Variants in PLPBP observed in about 807,000 individuals in gnomAD.
The protein encoded by PLPBP is pyridoxal phosphate binding protein.
In PLPBP, 21 loss-of-function variants were observed where a neutral mutation model predicts 31.2. The observed-to-expected ratio is 0.67, with a 90% CI of 0.48 to 0.97. The LOEUF (loss-of-function observed/expected upper bound fraction) is 0.97, where lower values mean the gene tolerates loss of function less well. Ranked by LOEUF, PLPBP falls within the 50% of genes least tolerant of loss-of-function variation. The pLI, the probability that PLPBP is intolerant of heterozygous loss-of-function variation, is 0.00. For missense variants in PLPBP, 308 were observed against 354.4 expected, an observed-to-expected ratio of 0.87 and a Z score of 1.05; for synonymous variants, 124 against 135.6, an observed-to-expected ratio of 0.91 and a Z score of 0.59.
intron 4 of PLPBP, among the ~76,000 whole-genome samples, chr8:37,767,799 CTTTTTTTTTTTTTT>C (rs1175107737): frequency 2.0e-5 from 2 of 98,936 alleles, no homozygotes; most frequent in Non-Finnish European, 1.9e-5. Flanking sequence ...CTTTTATTTA[CTTTTTTTTTTTTTT>C]TTTTTTTTTT....
In PLPBP at chr8:37,778,175, C is replaced by A; in HGVS notation, c.*71C>A. On this transcript the variant is annotated 3_prime_UTR_variant, in exon 8 of 8. Transcript: ENST00000328195. ...CATTTCGATATTCCCTGTGTCCCAG[C>A]GCAGTCCTGCTCTCCTGTGACCTGT... 6.4e-7 allele frequency: 1 copy of A among 1,554,390 alleles called. No individual in the cohort carries two copies.
In PLPBP at chr8:37,778,214, G is replaced by A. The variant is rs1803969653; in HGVS notation, c.*110G>A. On this transcript the variant is annotated 3_prime_UTR_variant, in exon 8 of 8. Transcript: ENST00000328195. Reference sequence around the variant, plus strand: ...CCTGTGACCTGTGGAGAGCACTAATGATCACGTGTGTTGATGGAAACCATC... The same window carrying A: ...CCTGTGACCTGTGGAGAGCACTAATAATCACGTGTGTTGATGGAAACCATC... 3 of 1,341,538 alleles carry A rather than the reference G, an allele frequency of 2.2e-6. No individual in the cohort carries two copies. The highest frequency in any genetic ancestry group is 3.0e-6 in the Non-Finnish European group (3 of 985,926). The allele number at this position is 1,341,538 out of a possible 1,614,324, so 83.1% of individuals were successfully genotyped here. A position where few individuals can be genotyped will look rare whatever the true frequency, so the allele number is the denominator to read the frequency against.
chr8:37,774,149 T>C (rs1803844397), intron 5 of PLPBP, among the ~76,000 whole-genome samples: 1 of 151,944 alleles, frequency 6.6e-6, no homozygotes, highest in African/African-American at 2.4e-5. Context: ...AGGTGAATAT[T>C]GCAGTGATCC....
At chr8:37,776,063 G>A (rs757070791) in intron 7 of PLPBP, 47 bp downstream of exon 7, 56 of 1,549,520 alleles carry the variant, frequency 3.6e-5, no homozygotes, top group African/African-American at 5.4e-5. Flanking sequence ...GTGGGGGTAG[G>A]GGGTCTGAGA....
At position 37,765,750 on chromosome 8, in the gene PLPBP, A is replaced by G; in HGVS notation, c.243+4A>G. On this transcript the variant is annotated splice_donor_region_variant and intron_variant, in intron 3 of 7. Coordinates refer to ENST00000328195, the MANE Select transcript of PLPBP (RefSeq NM_007198.4). ...AGAAAAAGCATCAAATCCCAAAGTAAGTAGATAGCTGAATTCTTTAATTTG... is the reference window on the plus strand; with the variant it reads ...AGAAAAAGCATCAAATCCCAAAGTAGGTAGATAGCTGAATTCTTTAATTTG... 6.2e-7 allele frequency: 1 copy of G among 1,610,544 alleles called. No homozygotes were observed. The highest frequency in any genetic ancestry group is 8.5e-7 in the Non-Finnish European group (1 of 1,179,180).
chr8:37,766,783 C>A, intron 4 of PLPBP: 1 of 462,130 alleles, frequency 2.2e-6, no homozygotes, highest in Non-Finnish European at 2.8e-6. Context: ...GTGGCTGACA[C>A]CTATAATCCC....
In PLPBP at chr8:37,778,110, G is replaced by T; in HGVS notation, c.*6G>T. On this transcript the variant is annotated 3_prime_UTR_variant, in exon 8 of 8. Coordinates refer to ENST00000328195, the MANE Select transcript of PLPBP (RefSeq NM_007198.4). ...AGGTGGCACAGGAGCACTGAGCCAG[G>T]GAATACTGAGAGCACTAACTATGCA... 1 of 1,611,944 alleles carries T rather than the reference G, an allele frequency of 6.2e-7. No individual in the cohort carries two copies. The highest frequency in any genetic ancestry group is 1.1e-5 in the South Asian group (1 of 90,986).
At chr8:37,765,812 CATCCTGGT>C in intron 3 of PLPBP, 66 bp downstream of exon 3, 1 of 1,557,202 alleles carries the variant, frequency 6.4e-7, no homozygotes, top group Non-Finnish European at 8.8e-7. Context: ...AAATTAGACC[CATCCTGGT>C]GGTTGAGTTG....
chr8:37,766,504 AAG>A, intron 4 of PLPBP, 149 bp downstream of exon 4: 1 of 1,307,168 alleles, frequency 7.7e-7, no homozygotes, highest in Non-Finnish European at 9.7e-7. Flanking sequence ...TCTTAATAAA[AAG>A]AGAAAACATC....
In PLPBP at chr8:37,777,969, A is replaced by G. The variant is rs1414896177; in HGVS notation, c.697-4A>G. The G allele has an allele frequency of 1.2e-6, 2 of 1,608,564 alleles. No individual in the cohort carries two copies. Among genetic ancestry groups the G allele is most frequent in the Non-Finnish European group, 1.7e-6 (2 of 1,176,794 alleles). ...TCCTCGATACCTTCTCTTTTTTCCC[A>G]CAGGTTGAAGTAGGATCTACAAATG... On this transcript the variant is annotated splice_polypyrimidine_tract_variant and splice_region_variant and intron_variant, in intron 7 of 7. Coordinates refer to ENST00000328195, the MANE Select transcript of PLPBP (RefSeq NM_007198.4).
Position 37,766,972 on chromosome 8 carries a change from G to A in PLPBP, c.319+617G>A, listed in dbSNP as rs533180520. 6.0e-5 allele frequency among the ~76,000 whole-genome samples: 9 copies of A among 150,298 alleles called. No homozygotes were observed. The East Asian group carries it at 1.2e-3, about 20-fold the overall frequency. ...TGACGCAGGAGAATCGCATGAACCC[G>A]GGAGGCAGAGGTTGCAGTGATCCAA... On this transcript the variant is annotated intron_variant, in intron 4 of 7. Coordinates refer to ENST00000328195, the MANE Select transcript of PLPBP (RefSeq NM_007198.4).
At chr8:37,768,598 G>A (rs57988831) in intron 4 of PLPBP, among the ~76,000 whole-genome samples, 81 of 148,284 alleles carry the variant, frequency 5.5e-4, no homozygotes, top group East Asian at 2.7e-3. Flanking sequence ...TCAGCCTCCC[G>A]AGTAGCTGGG....
At chr8:37,771,946 C>T (rs1374912233) in intron 4 of PLPBP, among the ~76,000 whole-genome samples, 2 of 152,040 alleles carry the variant, frequency 1.3e-5, no homozygotes, top group Admixed American at 6.5e-5. Context: ...GGCGACAGAG[C>T]GAGACTCTGT....
chr8:37,772,683 A>C, intron 4 of PLPBP, 72 bp from the exon 5 acceptor site: 32 of 1,549,370 alleles, frequency 2.1e-5, no homozygotes, highest in Middle Eastern at 1.7e-4. Context: ...CTAACAAGTC[A>C]GAGATTTGTT....
intron 7 of PLPBP, among the ~76,000 whole-genome samples, chr8:37,776,956 AG>A (rs1457587886): frequency 7.2e-5 from 11 of 152,164 alleles, no homozygotes; most frequent in Admixed American, 7.2e-4. Flanking sequence ...TAGTTAAGAC[AG>A]GGTTTCACCG....
chr8:37,776,360 C>T (rs1279409880), intron 7 of PLPBP, among the ~76,000 whole-genome samples: 1 of 151,586 alleles, frequency 6.6e-6, no homozygotes, highest in East Asian at 1.9e-4. Flanking sequence ...CCTGTAATCC[C>T]AGCTACTCAG....
At chr8:37,777,867 C>A in intron 7 of PLPBP, 106 bp from the exon 8 acceptor site, 1 of 1,330,348 alleles carries the variant, frequency 7.5e-7, no homozygotes, top group Non-Finnish European at 1.0e-6. Context: ...CACCACGCCC[C>A]GTCCATAGAA....
At chr8:37,763,209 C>T (rs988829874) in intron 1 of PLPBP, among the ~76,000 whole-genome samples, 9 of 152,150 alleles carry the variant, frequency 5.9e-5, no homozygotes, top group African/African-American at 2.2e-4. Context: ...CGCCCGGAGG[C>T]CGAGGTGAGG....
intron 5 of PLPBP, among the ~76,000 whole-genome samples, chr8:37,773,360 G>A (rs1030157970): frequency 4.0e-5 from 6 of 151,248 alleles, no homozygotes; most frequent in African/African-American, 1.5e-4. Context: ...TAGCGATGGG[G>A]TTTCACCATA....
Sources: gnomAD v4.1 joint callset for allele counts (sites outside exome capture counted in the v4.1 genomes callset) on GRCh38, gnomAD v4.1.1 for gene constraint, MANE v1.5 for transcripts, NCBI Gene and HGNC (gene_info 2026-07-23, HGNC 2026-07-21) for gene names.